CDC42BPB: variants seen among roughly 807,000 people sequenced by gnomAD.
The protein encoded by CDC42BPB is serine/threonine-protein kinase MRCK beta.
CDC42BPB carries 37 observed loss-of-function variants against 214.9 expected under a neutral mutation model. That is an observed-to-expected ratio of 0.17 (90% confidence interval 0.13 to 0.23). The LOEUF (loss-of-function observed/expected upper bound fraction) is 0.23. Ranked by LOEUF, CDC42BPB falls within the 10% of genes least tolerant of loss-of-function variation. The pLI, the probability that CDC42BPB is intolerant of heterozygous loss-of-function variation, is 1.00. For synonymous variants in CDC42BPB, 931 were observed against 884.0 expected, an observed-to-expected ratio of 1.05 and a Z score of -0.94; for missense variants, 1,694 against 2,227.0, an observed-to-expected ratio of 0.76 and a Z score of 4.82.
At chr14:102,976,152 AAAC>A in intron 9 of CDC42BPB, 103 bp from the exon 10 acceptor site, 1 of 1,516,184 alleles carries the variant, frequency 6.6e-7, no homozygotes, top group African/African-American at 1.4e-5. Flanking sequence ...TTAAATCAGC[AAAC>A]AAAAACACCT....
chr14:103,038,716 G>C (rs965519622), intron 1 of CDC42BPB, among the ~76,000 whole-genome samples: 5 of 51,152 alleles, frequency 9.8e-5, no homozygotes, highest in Non-Finnish European at 1.6e-4. Context: ...TTGTAGAGAC[G>C]GGGGGGGGGG....
At chr14:102,961,855 T>C (rs545718386) in intron 20 of CDC42BPB, among the ~76,000 whole-genome samples, 91 of 152,302 alleles carry the variant, frequency 6.0e-4, no homozygotes, top group African/African-American at 2.1e-3. Context: ...AAACCACTTT[T>C]ATTTGGCAAA....
At position 102,968,489 on chromosome 14, in the gene CDC42BPB, T is replaced by C. The variant is rs1172069529; in HGVS notation, c.2223A>G (p.Glu741=). ...AAACCTACCGTTCTCGCTTTGACTT[T>C]TCTAACTTATCTTTTAACATCAAGA... ...KEILMLKDKL[E]KSKRERHNEM... The change falls in exon 15 of 37, where the codon GAA becomes GAG. Residue 741 remains glutamate, a synonymous_variant. Coordinates refer to ENST00000361246, the MANE Select transcript of CDC42BPB (RefSeq NM_006035.4). The C allele has an allele frequency of 3.1e-6, 5 of 1,614,146 alleles. No homozygotes were observed. The highest frequency in any genetic ancestry group is 3.3e-4 in the Middle Eastern group (2 of 6,060).
At chr14:103,039,203 G>A (rs1394843319) in intron 1 of CDC42BPB, among the ~76,000 whole-genome samples, 3 of 143,844 alleles carry the variant, frequency 2.1e-5, no homozygotes, top group Non-Finnish European at 3.0e-5. Context: ...ATTTAAATAA[G>A]AGTTATTACC....
chr14:102,983,414 G>T, intron 7 of CDC42BPB, 142 bp downstream of exon 7: 3 of 1,271,282 alleles, frequency 2.4e-6, no homozygotes, highest in Non-Finnish European at 3.2e-6. Context: ...CAATCTGCCT[G>T]TCCCCAGTTT....
intron 1 of CDC42BPB, among the ~76,000 whole-genome samples, chr14:103,023,651 G>C (rs1886889277): frequency 6.6e-6 from 1 of 151,752 alleles, no homozygotes; most frequent in Admixed American, 6.6e-5. Context: ...TTACTCACTG[G>C]TTTTTCTTAA....
Position 102,935,288 on chromosome 14 carries a change from G to A in CDC42BPB, c.5005-1445C>T, listed in dbSNP as rs1442003910. 2.0e-5 allele frequency among the ~76,000 whole-genome samples: 3 copies of A among 151,960 alleles called. No individual in the cohort carries two copies. The East Asian group carries it at 5.8e-4, about 29-fold the overall frequency. ...GTATAAGATCAACACACACAAGTCA[G>A]TTGTGTTTCTATACACCAGAAATGA... On this transcript the variant is annotated intron_variant, in intron 36 of 36. Coordinates refer to ENST00000361246, the MANE Select transcript of CDC42BPB (RefSeq NM_006035.4).
At chr14:102,994,788 C>T (rs961199136) in intron 5 of CDC42BPB, among the ~76,000 whole-genome samples, 2 of 152,192 alleles carry the variant, frequency 1.3e-5, no homozygotes, top group Non-Finnish European at 2.9e-5. Flanking sequence ...CTGCTTCTGT[C>T]CCTCACCGTA....
intron 5 of CDC42BPB, among the ~76,000 whole-genome samples, chr14:102,998,704 G>A (rs1595125984): frequency 6.6e-6 from 1 of 152,190 alleles, no homozygotes; most frequent in East Asian, 1.9e-4. Flanking sequence ...ACTCCTGCAA[G>A]TCGCAGTGAT....
At chr14:103,039,864 A>G (rs1424395277) in intron 1 of CDC42BPB, among the ~76,000 whole-genome samples, 1 of 152,202 alleles carries the variant, frequency 6.6e-6, no homozygotes, top group Admixed American at 6.5e-5. Context: ...TATAAAATTT[A>G]TATGATTTTT....
chr14:103,038,781 C>G (rs912008128), intron 1 of CDC42BPB, among the ~76,000 whole-genome samples: 2 of 149,240 alleles, frequency 1.3e-5, no homozygotes, highest in African/African-American at 5.0e-5. Context: ...TCAAGTGATT[C>G]GCCCACCTCA....
chr14:102,942,311 C>T (rs949504541), intron 30 of CDC42BPB, among the ~76,000 whole-genome samples: 2 of 152,214 alleles, frequency 1.3e-5, no homozygotes, highest in Non-Finnish European at 2.9e-5. Context: ...TGGCCGTGCA[C>T]CTCACAGGCC....
intron 1 of CDC42BPB, among the ~76,000 whole-genome samples, chr14:103,027,362 C>T (rs1184078738): frequency 6.6e-6 from 1 of 152,160 alleles, no homozygotes; most frequent in Non-Finnish European, 1.5e-5. Flanking sequence ...AAAACTTGCA[C>T]ACTGCATGTT....
chr14:102,961,016 A>T (rs879428504), intron 20 of CDC42BPB, among the ~76,000 whole-genome samples: 4 of 152,022 alleles, frequency 2.6e-5, no homozygotes, highest in Non-Finnish European at 5.9e-5. Context: ...ATAAATAAAT[A>T]AATAGCCAGG....
At position 103,001,493 on chromosome 14, in the gene CDC42BPB, G is replaced by A. The variant is rs888272967; in HGVS notation, c.448-1780C>T. 1.3e-5 allele frequency among the ~76,000 whole-genome samples: 2 copies of A among 152,314 alleles called. No homozygotes were observed. On this transcript the variant is annotated intron_variant, in intron 4 of 36. Transcript: ENST00000361246. The surrounding 1 kb of genome is among the most constrained non-coding windows in gnomAD (Gnocchi z 5.8). ...CAGATGAAGGGGTGCGTGCAAAGCG[G>A]CTAGGAGGAAAGTGGCAGCGGCACC...
intron 24 of CDC42BPB, 35 bp downstream of exon 24, chr14:102,952,463 T>C: frequency 1.4e-6 from 2 of 1,382,798 alleles, no homozygotes; most frequent in Non-Finnish European, 2.0e-6. Context: ...TGTGGGGCTG[T>C]GCACGCTGAC....
intron 30 of CDC42BPB, among the ~76,000 whole-genome samples, chr14:102,942,290 G>A (rs1391865565): frequency 2.6e-5 from 4 of 152,198 alleles, no homozygotes; most frequent in Non-Finnish European, 2.9e-5. Flanking sequence ...CAGTAAGCCC[G>A]TGGGTGGAGC....
intron 5 of CDC42BPB, among the ~76,000 whole-genome samples, chr14:102,994,776 G>A (rs1316661007): frequency 1.3e-5 from 2 of 152,196 alleles, no homozygotes; most frequent in African/African-American, 4.8e-5. Flanking sequence ...TGAAAAGGGA[G>A]GCTGCTTCTG....
Position 102,983,318 on chromosome 14 carries a change from A to G in CDC42BPB, c.891+238T>C, listed in dbSNP as rs36018155. Among the ~76,000 whole-genome samples the G allele has an allele frequency of 4.9e-3, 746 of 151,972 alleles. 12 individuals are homozygous for G. The highest frequency in any genetic ancestry group is 0.017 in the African/African-American group (696 of 41,474). Reference sequence around the variant, plus strand: ...TCCCCTGAGAGTGGGGGTGGGGGTCACCCTCAGAACCTCCTTCCCCTTCCT... The same window carrying G: ...TCCCCTGAGAGTGGGGGTGGGGGTCGCCCTCAGAACCTCCTTCCCCTTCCT... On this transcript the variant is annotated intron_variant, in intron 7 of 36. Transcript: ENST00000361246.
Sources: allele counts gnomAD v4.1 joint callset (sites outside exome capture counted in the v4.1 genomes callset), GRCh38; gene constraint gnomAD v4.1.1; non-coding constraint Gnocchi (gnomAD v3.1); transcripts MANE v1.5; gene names NCBI Gene and HGNC (gene_info 2026-07-23, HGNC 2026-07-21).